PPARD: variants seen among roughly 807,000 people sequenced by gnomAD.
PPARD encodes the protein peroxisome proliferator activated receptor delta, also known as peroxisome proliferator-activated receptor delta.
PPARD carries 6 observed loss-of-function variants against 39.5 expected under a neutral mutation model. The observed-to-expected ratio is 0.15, with a 90% CI of 0.08 to 0.30. The LOEUF (loss-of-function observed/expected upper bound fraction) is 0.30. Ranked by LOEUF, PPARD falls within the 10% of genes least tolerant of loss-of-function variation. The pLI, the probability that PPARD is intolerant of heterozygous loss-of-function variation, is 1.00. For synonymous variants in PPARD, 210 were observed against 231.3 expected (o/e 0.91, Z 0.83); for missense variants, 397 against 596.8 (o/e 0.67, Z 3.49).
At chr6:35,345,642 G>T (rs1055396219) in intron 1 of PPARD, among the ~76,000 whole-genome samples, 1 of 152,032 alleles carries the variant, frequency 6.6e-6, no homozygotes, top group East Asian at 1.9e-4. Flanking sequence ...AGGAAGAATT[G>T]CTCCTACTCA....
intron 2 of PPARD, among the ~76,000 whole-genome samples, chr6:35,385,171 A>G (rs1383061785): frequency 1.4e-5 from 2 of 146,264 alleles, no homozygotes; most frequent in East Asian, 2.1e-4. Context: ...CAGGATGACA[A>G]TGGCGGCTTT....
intron 2 of PPARD, among the ~76,000 whole-genome samples, chr6:35,399,205 G>T (rs1469378521): frequency 2.6e-5 from 4 of 152,056 alleles, no homozygotes; most frequent in Admixed American, 2.6e-4. Context: ...TTCAAGACTA[G>T]CCTGGCCAAC....
intron 2 of PPARD, among the ~76,000 whole-genome samples, chr6:35,400,784 G>A (rs1050287986): frequency 1.3e-5 from 2 of 151,764 alleles, no homozygotes; most frequent in African/African-American, 4.8e-5. Context: ...TGGGTGACAG[G>A]GAGATCTTGT....
intron 2 of PPARD, among the ~76,000 whole-genome samples, chr6:35,359,124 A>T (rs897089755): frequency 1.3e-5 from 2 of 152,354 alleles, no homozygotes; most frequent in Non-Finnish European, 2.9e-5. Context: ...CTGCACTGGG[A>T]CACAGCTGAG....
chr6:35,403,556 T>C (rs1213723333), intron 2 of PPARD, among the ~76,000 whole-genome samples: 1 of 152,152 alleles, frequency 6.6e-6, no homozygotes, highest in African/African-American at 2.4e-5. Context: ...TATTTATTCA[T>C]CCAGCAAACG....
chr6:35,395,723 C>T (rs1263860278), intron 2 of PPARD, among the ~76,000 whole-genome samples: 1 of 152,170 alleles, frequency 6.6e-6, no homozygotes, highest in African/African-American at 2.4e-5. Flanking sequence ...ACCTTTTTAG[C>T]ATTAGAGTTC....
intron 2 of PPARD, among the ~76,000 whole-genome samples, chr6:35,398,807 G>T (rs752191808): frequency 6.6e-6 from 1 of 152,116 alleles, no homozygotes; most frequent in Non-Finnish European, 1.5e-5. Flanking sequence ...AAGTGTTACC[G>T]AAAGTTTCAA....
chr6:35,415,193 G>T (rs569080228), intron 3 of PPARD, among the ~76,000 whole-genome samples: 1 of 152,350 alleles, frequency 6.6e-6, no homozygotes, highest in South Asian at 2.1e-4. Context: ...TGGCCATACA[G>T]TGGTGGACAA....
At chr6:35,360,352 A>C (rs2150488658) in intron 2 of PPARD, among the ~76,000 whole-genome samples, 1 of 152,270 alleles carries the variant, frequency 6.6e-6, no homozygotes, top group Non-Finnish European at 1.5e-5. Context: ...GAAATAAGGG[A>C]GGGAAATTGC....
At chr6:35,360,691 C>T (rs889874958) in intron 2 of PPARD, among the ~76,000 whole-genome samples, 9 of 152,368 alleles carry the variant, frequency 5.9e-5, no homozygotes, top group Middle Eastern at 6.8e-3. Context: ...TACTTGCCCT[C>T]TCAACATGGG....
rs1766556854 is a variant in PPARD at position 35,426,091 on chromosome 6, A to G, written c.*12A>G. 6 of 1,607,594 alleles carry G rather than the reference A, an allele frequency of 3.7e-6. No individual in the cohort carries two copies. The highest frequency in any genetic ancestry group is 2.7e-5 in the African/African-American group (2 of 74,870). Reference sequence around the variant, plus strand: ...AGGACATGTACTAACGGCGGCACCCAGGCCTCCCTGCAGACTCCAATGGGG... The same window carrying G: ...AGGACATGTACTAACGGCGGCACCCGGGCCTCCCTGCAGACTCCAATGGGG... On this transcript the variant is annotated 3_prime_UTR_variant, in exon 8 of 8. Coordinates refer to ENST00000360694, the MANE Select transcript of PPARD (RefSeq NM_006238.5).
intron 1 of PPARD, 75 bp from the exon 2 acceptor site, chr6:35,346,992 A>G (rs1214748047): frequency 1.1e-5 from 10 of 880,816 alleles, no homozygotes; most frequent in South Asian, 4.9e-5. Context: ...TACGGTGGGT[A>G]TAACTTATTA....
At chr6:35,411,353 G>T in intron 3 of PPARD, 136 bp downstream of exon 3, 1 of 1,152,034 alleles carries the variant, frequency 8.7e-7, no homozygotes, top group Non-Finnish European at 1.1e-6. Flanking sequence ...GGAAGCCTGG[G>T]TTCACGCCCA....
intron 2 of PPARD, among the ~76,000 whole-genome samples, chr6:35,403,478 T>A (rs1432206339): frequency 6.6e-6 from 1 of 151,726 alleles, no homozygotes; most frequent in South Asian, 2.1e-4. Flanking sequence ...GGCAGTAATA[T>A]ATGAAAACTG....
chr6:35,353,629 T>C (rs553758174), intron 2 of PPARD, among the ~76,000 whole-genome samples: 42 of 152,308 alleles, frequency 2.8e-4, no homozygotes, highest in Non-Finnish European at 5.3e-4. Context: ...TTCAGTATTA[T>C]AGAAGCAAGG....
In PPARD at chr6:35,424,444, G is replaced by A. The variant is rs1400556756; in HGVS notation, c.743G>A (p.Arg248His). 2 of 1,614,044 alleles carry A rather than the reference G, an allele frequency of 1.2e-6. No individual in the cohort carries two copies. The highest frequency in any genetic ancestry group is 1.7e-6 in the Non-Finnish European group (2 of 1,180,030). ...YKEISVHVFY[R>H]CQCTTVETVR... is the part of the protein sequence containing the mutation. ...GAGATCAGCGTGCACGTCTTCTACC[G>A]CTGCCAGTGCACCACAGTGGAGACC... Residue 248 changes from arginine to histidine, a missense_variant, in exon 7 of 8, where the codon CGC becomes CAC. Physicochemically the swap from Arg to His is conservative, Grantham distance 29. Coordinates refer to ENST00000360694, the MANE Select transcript of PPARD (RefSeq NM_006238.5). This position sits in a 1 kb window ranked among gnomAD's most constrained non-coding sequence, Gnocchi z 7.1.
intron 2 of PPARD, among the ~76,000 whole-genome samples, chr6:35,350,298 G>A (rs1173607075): frequency 3.3e-5 from 5 of 152,168 alleles, no homozygotes; most frequent in Non-Finnish European, 7.3e-5. Context: ...GGTTGCCTGT[G>A]CTTGCGGGGT....
intron 2 of PPARD, among the ~76,000 whole-genome samples, chr6:35,405,350 T>C (rs1196951893): frequency 6.6e-6 from 1 of 152,044 alleles, no homozygotes; most frequent in African/African-American, 2.4e-5. Flanking sequence ...CCATGCCCCA[T>C]GCAAGAAATT....
chr6:35,426,186 CAG>C lies in PPARD; in HGVS notation c.*110_*111del, dbSNP rs1355446253. On this transcript the variant is annotated 3_prime_UTR_variant, in exon 8 of 8. Transcript: ENST00000360694. ...CCCTTGAGCACCCGGCCTGGAGCAG[CAG>C]AGTCCCACGATCGCCCTCAGACACA... The C allele has an allele frequency of 3.7e-5, 54 of 1,452,640 alleles. No individual in the cohort carries two copies. Among genetic ancestry groups the C allele is most frequent in the Non-Finnish European group, 4.6e-5 (50 of 1,087,800 alleles). The allele number at this position is 1,452,640 out of a possible 1,614,324, so 90.0% of individuals were successfully genotyped here. A position where few individuals can be genotyped will look rare whatever the true frequency, so the allele number is the denominator to read the frequency against.
Sources: allele counts gnomAD v4.1 joint callset (sites outside exome capture counted in the v4.1 genomes callset), GRCh38; gene constraint gnomAD v4.1.1; non-coding constraint Gnocchi (gnomAD v3.1); transcripts MANE v1.5; gene names NCBI Gene and HGNC (gene_info 2026-07-23, HGNC 2026-07-21).